The following OXSR1 variants were observed in gnomAD, a reference collection of about 807,000 sequenced individuals.
OXSR1 encodes serine/threonine-protein kinase OSR1.
In OXSR1, 24 loss-of-function variants were observed where a neutral mutation model predicts 79.8. The ratio of observed to expected loss-of-function variants is 0.30; its 90% CI spans 0.22 to 0.42. The LOEUF is 0.42. OXSR1 is among the 10% of genes least tolerant of loss of function. The pLI, the probability that OXSR1 is intolerant of heterozygous loss-of-function variation, is 1.00. For synonymous variants in OXSR1, 226 were observed against 209.2 expected (o/e 1.08, Z -0.69); for missense variants, 430 against 618.4 (o/e 0.70, Z 3.23).
chr3:38,247,427 AT>A (rs1559529249), intron 13 of OXSR1, among the ~76,000 whole-genome samples: 1 of 152,128 alleles, frequency 6.6e-6, no homozygotes, highest in Non-Finnish European at 1.5e-5. Flanking sequence ...TATATGTGAA[AT>A]TTCATCTGGG....
intron 4 of OXSR1, among the ~76,000 whole-genome samples, chr3:38,200,232 C>CT (rs1702139673): frequency 6.6e-6 from 1 of 152,170 alleles, no homozygotes; most frequent in East Asian, 1.9e-4. Context: ...TGCCCCTTTT[C>CT]TGCTTCTTTA....
chr3:38,173,071 T>C (rs1351720100), intron 1 of OXSR1, among the ~76,000 whole-genome samples: 1 of 152,222 alleles, frequency 6.6e-6, no homozygotes, highest in Non-Finnish European at 1.5e-5. Context: ...AAAGGCTTTC[T>C]TTCCTAGATG....
At chr3:38,166,897 A>G (rs1361895796) in intron 1 of OXSR1, among the ~76,000 whole-genome samples, 1 of 151,894 alleles carries the variant, frequency 6.6e-6, no homozygotes, top group Non-Finnish European at 1.5e-5. Flanking sequence ...ACTTAGGGTG[A>G]TTTCAAGGAA....
chr3:38,180,876 C>T (rs1701772217), intron 1 of OXSR1, among the ~76,000 whole-genome samples: 1 of 151,976 alleles, frequency 6.6e-6, no homozygotes, highest in Non-Finnish European at 1.5e-5. Context: ...TCTGACTGAC[C>T]CTCCTGCTTC....
At chr3:38,251,494 A>T (rs779665046) in intron 16 of OXSR1, 23 bp downstream of exon 16, 3 of 1,584,678 alleles carry the variant, frequency 1.9e-6, no homozygotes, top group Middle Eastern at 1.7e-4. Flanking sequence ...CGTTCTGCTC[A>T]TGTGCTCCTG....
intron 12 of OXSR1, among the ~76,000 whole-genome samples, chr3:38,244,989 G>T (rs1453899373): frequency 2.0e-5 from 3 of 152,022 alleles, no homozygotes. Context: ...ATAGATAAAT[G>T]TAAGTACATA....
intron 12 of OXSR1, among the ~76,000 whole-genome samples, chr3:38,244,508 A>G (rs373878362): frequency 6.6e-6 from 1 of 152,150 alleles, no homozygotes; most frequent in Non-Finnish European, 1.5e-5. Context: ...GGTACCTCAT[A>G]TAAGTGGAAT....
chr3:38,187,966 C>CA (rs1392348417), intron 2 of OXSR1, among the ~76,000 whole-genome samples: 1 of 152,094 alleles, frequency 6.6e-6, no homozygotes, highest in Non-Finnish European at 1.5e-5. Flanking sequence ...TCTTGTGAAT[C>CA]ATTTATATAT....
chr3:38,201,667 G>A (rs1243569083), intron 4 of OXSR1, among the ~76,000 whole-genome samples: 4 of 151,702 alleles, frequency 2.6e-5, no homozygotes, highest in East Asian at 1.9e-4. Flanking sequence ...CCGAGATTGC[G>A]CCACTGCACT....
At chr3:38,189,837 T>C (rs1268078692) in intron 2 of OXSR1, among the ~76,000 whole-genome samples, 1 of 152,224 alleles carries the variant, frequency 6.6e-6, no homozygotes, top group Non-Finnish European at 1.5e-5. Flanking sequence ...ATTGAGAATC[T>C]ACTTTTGAGT....
At chr3:38,209,737 C>T (rs1471155640) in intron 4 of OXSR1, among the ~76,000 whole-genome samples, 3 of 151,294 alleles carry the variant, frequency 2.0e-5, no homozygotes, top group Admixed American at 6.6e-5. Flanking sequence ...TGGGTTCATG[C>T]GTCAGCCTCC....
At chr3:38,244,267 A>C (rs776613385) in intron 12 of OXSR1, among the ~76,000 whole-genome samples, 1 of 152,084 alleles carries the variant, frequency 6.6e-6, no homozygotes, top group Non-Finnish European at 1.5e-5. Context: ...CTTTGTTTTT[A>C]AATTTGCGAT....
chr3:38,210,416 T>C (rs1234961309), intron 4 of OXSR1, among the ~76,000 whole-genome samples: 2 of 152,172 alleles, frequency 1.3e-5, no homozygotes, highest in African/African-American at 4.8e-5. Context: ...TTTAGGAGAA[T>C]AGAATGCTTA....
intron 1 of OXSR1, among the ~76,000 whole-genome samples, chr3:38,173,892 T>C (rs376379795): frequency 6.6e-6 from 1 of 152,150 alleles, no homozygotes; most frequent in Non-Finnish European, 1.5e-5. Context: ...TAGGGACTGC[T>C]AGGGGTGGAG....
In OXSR1 at chr3:38,252,941, TC is replaced by T. The variant is rs745819968; in HGVS notation, c.*51del. ...TAAGGAGATTCCACACATGCGTATCTCTGTTGCTTCTATTGGCCTAAACCCA... is the reference window on the plus strand; with the variant it reads ...TAAGGAGATTCCACACATGCGTATCTTGTTGCTTCTATTGGCCTAAACCCA... On this transcript the variant is annotated 3_prime_UTR_variant, in exon 18 of 18. Transcript: ENST00000311806. 8.9e-6 allele frequency: 13 copies of T among 1,454,782 alleles called. No individual in the cohort carries two copies. The Admixed American group carries it at 1.8e-4, about 21-fold the overall frequency. The allele number at this position is 1,454,782 out of a possible 1,614,324, so 90.1% of individuals were successfully genotyped here.
intron 4 of OXSR1, among the ~76,000 whole-genome samples, chr3:38,213,814 T>G (rs996120537): frequency 2.6e-5 from 4 of 152,248 alleles, no homozygotes; most frequent in African/African-American, 9.6e-5. Context: ...CTTTGAGAGA[T>G]ATTTTATGTC....
At chr3:38,208,990 G>A (rs574710039) in intron 4 of OXSR1, among the ~76,000 whole-genome samples, 20 of 150,584 alleles carry the variant, frequency 1.3e-4, no homozygotes, top group South Asian at 8.3e-4. Context: ...GTGTGTGCGC[G>A]CGCGCGTGCG....
At position 38,206,538 on chromosome 3, in the gene OXSR1, C is replaced by T. The variant is rs1254028283; in HGVS notation, c.434+7675C>T. 6.1e-5 allele frequency among the ~76,000 whole-genome samples: 9 copies of T among 147,674 alleles called. No homozygotes were observed. In the East Asian group the frequency reaches 1.6e-3, roughly 26 times the overall value. ...AAGAGACAATGACCCTAAATGTATA[C>T]TTCAGTGGATGTTTTGGGTTAATTT... is the stretch of plus-strand genomic sequence containing the variant. On this transcript the variant is annotated intron_variant, in intron 4 of 17. Transcript: ENST00000311806.
At chr3:38,221,416 AGTC>A (rs777437040) in intron 5 of OXSR1, among the ~76,000 whole-genome samples, 159 bp from the exon 6 acceptor site, 6 of 152,090 alleles carry the variant, frequency 3.9e-5, no homozygotes, top group Admixed American at 6.6e-5. Flanking sequence ...CACTGTTCCT[AGTC>A]TAAGCTATGT....
Sources: allele counts gnomAD v4.1 joint callset (sites outside exome capture counted in the v4.1 genomes callset), GRCh38; gene constraint gnomAD v4.1.1; transcripts MANE v1.5; gene names NCBI Gene and HGNC (gene_info 2026-07-23, HGNC 2026-07-21).